ZNF227: variants seen among roughly 807,000 people sequenced by gnomAD.
ZNF227 encodes zinc finger protein 227.
Under a neutral mutation model 13.2 loss-of-function variants are expected in ZNF227, and 12 were observed. The ratio of observed to expected loss-of-function variants is 0.91; its 90% CI spans 0.58 to 1.47. ZNF227 has a LOEUF of 1.47. Ranked by LOEUF, ZNF227 falls within the 40% of genes most tolerant of loss-of-function variation. The pLI is 0.00. For missense variants in ZNF227, 885 were observed against 967.5 expected (o/e 0.91, Z 1.13); for synonymous variants, 338 against 326.0 (o/e 1.04, Z -0.40).
At chr19:44,233,313 A>G (rs993681513) in intron 5 of ZNF227, among the ~76,000 whole-genome samples, 3 of 152,118 alleles carry the variant, frequency 2.0e-5, no homozygotes, top group Non-Finnish European at 4.4e-5. Flanking sequence ...AGTATTTCCT[A>G]TAGTAGTACT....
rs1000736592 is a variant in ZNF227, at chr19:44,229,498, A to G, written c.188-235A>G. The stretch of plus-strand genomic sequence containing the variant: ...GTGGTGGCAGGTGCCTGTAATCCCA[A>G]CTACTCGGGAGGCTGAGGCAGGAGA... On this transcript the variant is annotated intron_variant, in intron 4 of 5. Coordinates refer to ENST00000313040, the MANE Select transcript of ZNF227 (RefSeq NM_182490.3). Among the ~76,000 whole-genome samples the G allele has an allele frequency of 3.9e-5, 6 of 152,138 alleles. No individual in the cohort carries two copies. The East Asian group carries it at 5.8e-4, about 15-fold the overall frequency.
intron 2 of ZNF227, among the ~76,000 whole-genome samples, chr19:44,215,989 TAAAAAAAAAAAA>T (rs1276832695): frequency 2.7e-5 from 1 of 37,388 alleles, no homozygotes; most frequent in African/African-American, 8.0e-5. Context: ...ACTCTCTCTC[TAAAAAAAAAAAA>T]AAAAAAAAAG....
chr19:44,211,023 G>A (rs1219781003), upstream of ZNF227, among the ~76,000 whole-genome samples: 3 of 152,020 alleles, frequency 2.0e-5, no homozygotes, highest in East Asian at 3.9e-4. Context: ...GCAAAACCCC[G>A]TCTCTACTAA....
chr19:44,232,625 CCTT>C (rs974298678), intron 5 of ZNF227, among the ~76,000 whole-genome samples: 1 of 151,814 alleles, frequency 6.6e-6, no homozygotes, highest in African/African-American at 2.4e-5. Flanking sequence ...AGGATAATCT[CCTT>C]AAGAGCTTTC....
At chr19:44,210,257 C>A (rs1971308104), upstream of ZNF227, among the ~76,000 whole-genome samples, 1 of 152,100 alleles carries the variant, frequency 6.6e-6, no homozygotes. Flanking sequence ...TTTGTAGAAA[C>A]CTTCCATCCA....
chr19:44,233,262 A>G (rs1402402315), intron 5 of ZNF227, among the ~76,000 whole-genome samples: 2 of 152,180 alleles, frequency 1.3e-5, no homozygotes, highest in Non-Finnish European at 2.9e-5. Flanking sequence ...GACTAAGCAT[A>G]AATATGTTTA....
intron 2 of ZNF227, 129 bp from the exon 3 acceptor site, chr19:44,217,662 C>T (rs1972033016): frequency 1.0e-6 from 1 of 971,532 alleles, no homozygotes; most frequent in African/African-American, 1.6e-5. Context: ...GGAATACAGT[C>T]CATGTTCTGC....
chr19:44,217,547 G>A (rs767065319), intron 2 of ZNF227: 8 of 678,002 alleles, frequency 1.2e-5, no homozygotes, highest in Middle Eastern at 2.4e-4. Context: ...ATTGCCTCTC[G>A]TTTCCTGCTG....
chr19:44,222,976 G>T (rs1418789086), intron 3 of ZNF227, among the ~76,000 whole-genome samples: 1 of 151,722 alleles, frequency 6.6e-6, no homozygotes, highest in African/African-American at 2.4e-5. Flanking sequence ...AGCATGAAGG[G>T]TTGTTGAATT....
chr19:44,232,668 TTTTG>T (rs987208953), intron 5 of ZNF227, among the ~76,000 whole-genome samples: 1 of 151,852 alleles, frequency 6.6e-6, no homozygotes, highest in African/African-American at 2.4e-5. Context: ...TTGCTTGTTT[TTTTG>T]TTTTTTTTTT....
chr19:44,225,306 T>G (rs536912730), intron 3 of ZNF227, among the ~76,000 whole-genome samples: 37 of 152,258 alleles, frequency 2.4e-4, no homozygotes, highest in African/African-American at 7.9e-4. Context: ...TGAATCTGAA[T>G]GTTGGCCTGC....
At chr19:44,231,745 GATTA>G (rs989352330) in intron 5 of ZNF227, among the ~76,000 whole-genome samples, 8 of 152,320 alleles carry the variant, frequency 5.3e-5, no homozygotes, top group Admixed American at 2.0e-4. Flanking sequence ...ACACCAGTGT[GATTA>G]ATTATTTGGG....
At chr19:44,227,364 GC>G (rs1228690560) in intron 3 of ZNF227, 1 of 152,182 alleles carries the variant, frequency 6.6e-6, no homozygotes, top group Non-Finnish European at 1.5e-5. Flanking sequence ...TCCTGCCTCA[GC>G]CTCCTGAGTA....
At chr19:44,219,256 CT>C (rs1376857501) in intron 3 of ZNF227, among the ~76,000 whole-genome samples, 1 of 150,262 alleles carries the variant, frequency 6.7e-6, no homozygotes, top group Non-Finnish European at 1.5e-5. Context: ...ATTACTGTCT[CT>C]TCTCTAGTTT....
At chr19:44,232,167 T>G (rs1282898110) in intron 5 of ZNF227, among the ~76,000 whole-genome samples, 1 of 152,180 alleles carries the variant, frequency 6.6e-6, no homozygotes, top group Non-Finnish European at 1.5e-5. Flanking sequence ...ATTCCAGAAT[T>G]TCTAAATTGG....
In ZNF227 at chr19:44,236,131, A is replaced by C. The variant is rs192959326; in HGVS notation, c.1701A>C (p.Gln567His). The C allele has an allele frequency of 6.2e-7, 1 of 1,613,922 alleles. No homozygotes were observed. Among genetic ancestry groups the C allele is most frequent in the Non-Finnish European group, 8.5e-7 (1 of 1,179,956 alleles). Residue 567 changes from glutamine to histidine, a missense_variant, in exon 6 of 6, where the codon CAA (glutamine) becomes CAC (histidine). Gln to His is a conservative substitution (Grantham distance 24, BLOSUM62 0). Coordinates refer to ENST00000313040, the MANE Select transcript of ZNF227 (RefSeq NM_182490.3). ...FSYSSNLKLH[Q>H]VIHTGEKPYK... ...ATAGTTCAAATCTTAAACTACACCAAGTAATTCACACTGGAGAAAAACCAT... is the reference window on the plus strand; with the variant it reads ...ATAGTTCAAATCTTAAACTACACCACGTAATTCACACTGGAGAAAAACCAT...
chr19:44,235,034 CA>C lies in ZNF227; in HGVS notation c.607del (p.Ile203TyrfsTer6), dbSNP rs781339100. 1 of 1,613,916 alleles carries C rather than the reference CA, an allele frequency of 6.2e-7. No individual in the cohort carries two copies. The highest frequency in any genetic ancestry group is 1.1e-5 in the South Asian group (1 of 91,074). On this transcript the variant is annotated frameshift_variant, in exon 6 of 6. Coordinates refer to ENST00000313040, the MANE Select transcript of ZNF227 (RefSeq NM_182490.3). LOFTEE classifies it low-confidence loss of function (END_TRUNC). Reference sequence around the variant, plus strand: ...GCAAATTGATGTGAAAAATAACCTGCAAATACATGAAGACTTCATGAAGAAA... The same window carrying C: ...GCAAATTGATGTGAAAAATAACCTGCAATACATGAAGACTTCATGAAGAAA... Reference protein sequence around the residue: ...GKQIDVKNNLQIHEDFMKKSP... With the variant: ...GKQIDVKNNLXIHEDFMKKSP...
At chr19:44,230,628 T>C (rs1254853766) in intron 5 of ZNF227, among the ~76,000 whole-genome samples, 1 of 152,110 alleles carries the variant, frequency 6.6e-6, no homozygotes, top group Admixed American at 6.5e-5. Flanking sequence ...ATTCCTCAAA[T>C]GTTATATCAT....
At chr19:44,212,291 A>T (rs965555518), upstream of ZNF227, among the ~76,000 whole-genome samples, 1 of 150,388 alleles carries the variant, frequency 6.6e-6, no homozygotes, top group Admixed American at 6.6e-5. Flanking sequence ...CGTGAAGAGG[A>T]TTCTGGATGT....
Sources: allele counts gnomAD v4.1 joint callset (sites outside exome capture counted in the v4.1 genomes callset), GRCh38; gene constraint gnomAD v4.1.1; transcripts MANE v1.5; gene names NCBI Gene and HGNC (gene_info 2026-07-23, HGNC 2026-07-21).